The following NUF2 variants were observed in gnomAD, a reference collection of about 807,000 sequenced individuals.
The protein encoded by NUF2 is NUF2 component of NDC80 kinetochore complex.
NUF2 carries 34 observed loss-of-function variants against 61.8 expected under a neutral mutation model. The ratio of observed to expected loss-of-function variants is 0.55; its 90% CI spans 0.42 to 0.73. NUF2 has a LOEUF of 0.73. Ranked by LOEUF, NUF2 falls within the 30% of genes least tolerant of loss-of-function variation. NUF2 has a pLI of 0.00. For missense variants in NUF2, 445 were observed against 539.1 expected (o/e 0.83, Z 1.73); for synonymous variants, 172 against 181.6 (o/e 0.95, Z 0.42).
chr1:163,347,073 A>G (rs1651159329), intron 11 of NUF2, among the ~76,000 whole-genome samples: 3 of 152,370 alleles, frequency 2.0e-5, no homozygotes, highest in African/African-American at 2.4e-5. Context: ...AATTTGTTCT[A>G]CCAGTTGGAA....
intron 5 of NUF2, among the ~76,000 whole-genome samples, chr1:163,332,092 TTTCCTAATA>T (rs1450868737): frequency 6.6e-6 from 1 of 152,104 alleles, no homozygotes; most frequent in Non-Finnish European, 1.5e-5. Context: ...ACCTTTCTTC[TTTCCTAATA>T]TAGGTATTTA....
At chr1:163,339,782 A>C (rs1371650756) in intron 8 of NUF2, among the ~76,000 whole-genome samples, 2 of 152,134 alleles carry the variant, frequency 1.3e-5, no homozygotes, top group Non-Finnish European at 2.9e-5. Context: ...GTAAACCCTC[A>C]AGAATGCCTC....
At chr1:163,340,293 A>G in intron 8 of NUF2, 71 bp from the exon 9 acceptor site, 3 of 1,118,220 alleles carry the variant, frequency 2.7e-6, no homozygotes, top group East Asian at 2.4e-5. Context: ...CCTTAATTTT[A>G]TGAGACAGCA....
At chr1:163,323,048 G>A (rs1179516771) in intron 1 of NUF2, 3 of 152,198 alleles carry the variant, frequency 2.0e-5, no homozygotes, top group Non-Finnish European at 2.9e-5. Flanking sequence ...AATTATTAAA[G>A]GGTTTAGAAG....
At chr1:163,343,611 C>T (rs898922200) in intron 9 of NUF2, 122 bp from the exon 10 acceptor site, 3 of 422,856 alleles carry the variant, frequency 7.1e-6, no homozygotes, top group Non-Finnish European at 4.1e-6. Flanking sequence ...GTGATGTGTT[C>T]AGAATTTAAT....
At chr1:163,350,084 G>A (rs1405168344) in intron 13 of NUF2, among the ~76,000 whole-genome samples, 4 of 151,782 alleles carry the variant, frequency 2.6e-5, no homozygotes, top group African/African-American at 4.8e-5. Flanking sequence ...GGCGGATCAC[G>A]AGGTCAGGAG....
intron 5 of NUF2, among the ~76,000 whole-genome samples, chr1:163,329,410 T>C (rs1430129108): frequency 6.6e-6 from 1 of 152,190 alleles, no homozygotes; most frequent in Non-Finnish European, 1.5e-5. Context: ...ATTCTTGTAT[T>C]GCTATAAAGA....
chr1:163,327,418 A>T, intron 2 of NUF2, 70 bp from the exon 3 acceptor site: 1 of 781,062 alleles, frequency 1.3e-6, no homozygotes, highest in East Asian at 2.5e-5. Context: ...ATAATATTGT[A>T]TGGTAATGAT....
intron 1 of NUF2, among the ~76,000 whole-genome samples, chr1:163,323,645 G>A (rs145483066): frequency 2.8e-3 from 430 of 152,180 alleles, no homozygotes; most frequent in Non-Finnish European, 5.3e-3. Flanking sequence ...CTTGAGCCTG[G>A]GAGGTCGAGG....
chr1:163,355,571 A>T lies in NUF2; in HGVS notation c.*102A>T, dbSNP rs937817725. On this transcript the variant is annotated 3_prime_UTR_variant, in exon 14 of 14. Coordinates refer to ENST00000271452, the MANE Select transcript of NUF2 (RefSeq NM_145697.3). ...ATGGAAGTATCAGAAGTACCAAATAATGTTGGCTTCATCAGTTTTTATACA... is the reference window on the plus strand; with the variant it reads ...ATGGAAGTATCAGAAGTACCAAATATTGTTGGCTTCATCAGTTTTTATACA... 2.0e-6 allele frequency: 2 copies of T among 996,836 alleles called. No homozygotes were observed. The highest frequency in any genetic ancestry group is 2.9e-6 in the Non-Finnish European group (2 of 694,600). The allele number at this position is 996,836 out of a possible 1,614,324, so 61.7% of individuals were successfully genotyped here.
chr1:163,328,755 C>A (rs1246188648), intron 4 of NUF2, 91 bp from the exon 5 acceptor site: 36 of 812,896 alleles, frequency 4.4e-5, no homozygotes, highest in Non-Finnish European at 6.4e-5. Flanking sequence ...ATCCAGAAAT[C>A]TCTTTCTGAA....
chr1:163,346,587 G>C (rs923384221), intron 11 of NUF2, among the ~76,000 whole-genome samples: 16 of 152,184 alleles, frequency 1.1e-4, no homozygotes, highest in African/African-American at 3.4e-4. Flanking sequence ...GGGCATGGTG[G>C]CTCAAGCCTG....
Position 163,327,470 on chromosome 1 carries a change from A to C in NUF2, c.124-18A>C. 6.8e-7 allele frequency: 1 copy of C among 1,466,384 alleles called. No homozygotes were observed. The highest frequency in any genetic ancestry group is 9.6e-7 in the Non-Finnish European group (1 of 1,046,566). The allele number at this position is 1,466,384 out of a possible 1,614,324, so 90.8% of individuals were successfully genotyped here. On this transcript the variant is annotated intron_variant, in intron 2 of 13. Transcript: ENST00000271452. ...TAGAGTTATGCATCGGAGTATTCAA[A>C]GTTGTTTTTTGCTGTAGCCTGAAGT...
intron 9 of NUF2, among the ~76,000 whole-genome samples, chr1:163,341,074 C>G (rs1650928316): frequency 6.6e-6 from 1 of 152,088 alleles, no homozygotes; most frequent in African/African-American, 2.4e-5. Flanking sequence ...TAGAAAGATA[C>G]CAATTTATAT....
chr1:163,338,234 TC>T (rs1650827775), intron 7 of NUF2, 141 bp downstream of exon 7: 15 of 399,388 alleles, frequency 3.8e-5, no homozygotes, highest in South Asian at 9.7e-5. Flanking sequence ...GTTTGCCTTT[TC>T]TTAAAAAAAA....
chr1:163,353,340 C>G (rs997154612), intron 13 of NUF2, among the ~76,000 whole-genome samples: 1 of 152,090 alleles, frequency 6.6e-6, no homozygotes, highest in Non-Finnish European at 1.5e-5. Flanking sequence ...TTAAATATTT[C>G]TGATTTGAAA....
At position 163,355,429 on chromosome 1, in the gene NUF2, C is replaced by T. The variant is rs1373149858; in HGVS notation, c.1355C>T (p.Thr452Ile). The change falls in exon 14 of 14, where the codon ACA becomes ATA. Residue 452 changes from threonine (T) to isoleucine (I), a missense_variant. Transcript: ENST00000271452. ...TCCTATGCTAAGATAGATGAGAAGA[C>T]AGCTGAACTGAAGAGGAAGATGTTC... ...EDSYAKIDEKTAELKRKMFKM... is the reference protein window; with the variant it reads ...EDSYAKIDEKIAELKRKMFKM... 3.1e-6 allele frequency: 5 copies of T among 1,603,494 alleles called. No homozygotes were observed. Among genetic ancestry groups the T allele is most frequent in the African/African-American group, 2.7e-5 (2 of 74,428 alleles).
intron 4 of NUF2, 136 bp from the exon 5 acceptor site, chr1:163,328,710 G>A: frequency 1.6e-6 from 1 of 610,700 alleles, no homozygotes; most frequent in Non-Finnish European, 2.9e-6. Context: ...CATTATAGTA[G>A]AATTCTGGCT....
chr1:163,348,756 C>A (rs1403295731), intron 12 of NUF2, among the ~76,000 whole-genome samples, 189 bp from the exon 13 acceptor site: 1 of 152,114 alleles, frequency 6.6e-6, no homozygotes, highest in Non-Finnish European at 1.5e-5. Flanking sequence ...AGAAAGAGTT[C>A]ACACTATGTT....
Sources: allele counts gnomAD v4.1 joint callset (sites outside exome capture counted in the v4.1 genomes callset), GRCh38; gene constraint gnomAD v4.1.1; transcripts MANE v1.5; gene names NCBI Gene and HGNC (gene_info 2026-07-23, HGNC 2026-07-21).